The following LRMDA variants were observed in gnomAD, a reference collection of about 807,000 sequenced individuals.
LRMDA encodes leucine-rich melanocyte differentiation-associated protein.
LRMDA carries 18 observed loss-of-function variants against 29.8 expected under a neutral mutation model. The ratio of observed to expected loss-of-function variants is 0.60; its 90% CI spans 0.42 to 0.90. The LOEUF (loss-of-function observed/expected upper bound fraction) is 0.90, where lower values mean the gene tolerates loss of function less well. Among genes scored for constraint, LRMDA ranks in the 40% least tolerant of loss-of-function variants. The probability of loss-of-function intolerance (pLI) is 0.00; values close to 1 mark genes in which losing one functional copy is unlikely to be tolerated. For synonymous variants in LRMDA, 125 were observed against 109.4 expected (o/e 1.14, Z -0.89); for missense variants, 273 against 273.9 (o/e 1.00, Z 0.02).
At chr10:75,869,922 G>T (rs1176557213) in intron 2 of LRMDA, among the ~76,000 whole-genome samples, 1 of 152,088 alleles carries the variant, frequency 6.6e-6, no homozygotes, top group African/African-American at 2.4e-5. Context: ...TACTCTATGT[G>T]CTTTCTCTAC....
intron 5 of LRMDA, among the ~76,000 whole-genome samples, chr10:76,111,102 C>T (rs552979994): frequency 6.6e-6 from 1 of 152,310 alleles, no homozygotes; most frequent in African/African-American, 2.4e-5. Context: ...TTGTCCTTCT[C>T]ATCCTCCAGT....
At chr10:75,719,976 G>A (rs1842546035) in intron 2 of LRMDA, among the ~76,000 whole-genome samples, 2 of 152,208 alleles carry the variant, frequency 1.3e-5, no homozygotes, top group South Asian at 2.1e-4. Context: ...GTGCCTCTGT[G>A]TACCTAAAGT....
In LRMDA at chr10:76,395,369, C is replaced by T. The variant is rs374752510; in HGVS notation, c.601+70884C>T. ...TAGCCCAACAATCTCAGCTGGTTCT[C>T]CTCTGTAGTTTGTTTAGCAGACAAT... On this transcript the variant is annotated intron_variant, in intron 6 of 6. Coordinates refer to ENST00000611255, the MANE Select transcript of LRMDA (RefSeq NM_001305581.2). Among the ~76,000 whole-genome samples, 8 of 152,144 alleles carry T rather than the reference C, an allele frequency of 5.3e-5. No individual in the cohort carries two copies. In the East Asian group the frequency reaches 7.7e-4, roughly 15 times the overall value.
intron 2 of LRMDA, among the ~76,000 whole-genome samples, chr10:75,762,833 C>T (rs1165373121): frequency 2.0e-5 from 3 of 152,090 alleles, no homozygotes; most frequent in Non-Finnish European, 4.4e-5. Context: ...TATGAGACCT[C>T]TCATAATGAG....
chr10:75,590,664 C>T, intron 2 of LRMDA, among the ~76,000 whole-genome samples: 1 of 148,784 alleles, frequency 6.7e-6, no homozygotes, highest in Non-Finnish European at 1.5e-5. Flanking sequence ...TTTAATAATG[C>T]CTTAAATATT....
At chr10:76,065,879 G>A (rs564677921) in intron 5 of LRMDA, among the ~76,000 whole-genome samples, 58 of 152,326 alleles carry the variant, frequency 3.8e-4, no homozygotes, top group African/African-American at 1.3e-3. Flanking sequence ...GCCTTACACA[G>A]CACCATGTGT....
chr10:76,505,439 C>G (rs980303319), intron 6 of LRMDA, among the ~76,000 whole-genome samples: 1 of 151,920 alleles, frequency 6.6e-6, no homozygotes, highest in African/African-American at 2.4e-5. Flanking sequence ...ATATATTTCT[C>G]AGATGTTTTG....
chr10:76,389,878 A>G (rs926617708), intron 6 of LRMDA, among the ~76,000 whole-genome samples: 1 of 152,004 alleles, frequency 6.6e-6, no homozygotes, highest in Non-Finnish European at 1.5e-5. Flanking sequence ...CATCTTGTTG[A>G]TGGTCATTTG....
At chr10:76,019,976 C>CT (rs1158221362) in intron 2 of LRMDA, among the ~76,000 whole-genome samples, 1 of 152,216 alleles carries the variant, frequency 6.6e-6, no homozygotes, top group Non-Finnish European at 1.5e-5. Flanking sequence ...TTTACACAGT[C>CT]TGATGTGGTC....
At chr10:76,073,163 C>T (rs1318987733) in intron 5 of LRMDA, among the ~76,000 whole-genome samples, 1 of 152,174 alleles carries the variant, frequency 6.6e-6, no homozygotes, top group East Asian at 1.9e-4. Flanking sequence ...GACCAAGGAA[C>T]CACTTCATTT....
chr10:76,382,702 C>T (rs1371979399), intron 6 of LRMDA, among the ~76,000 whole-genome samples: 1 of 152,126 alleles, frequency 6.6e-6, no homozygotes, highest in African/African-American at 2.4e-5. Flanking sequence ...CTGGTGGGGC[C>T]TCTGGGGCAT....
chr10:76,103,052 C>T (rs753574766), intron 5 of LRMDA, among the ~76,000 whole-genome samples: 7 of 152,164 alleles, frequency 4.6e-5, no homozygotes, highest in Non-Finnish European at 1.0e-4. Flanking sequence ...AAGGAACCTA[C>T]TATCTCCTTT....
chr10:76,374,691 G>C (rs1284916705), intron 6 of LRMDA, among the ~76,000 whole-genome samples: 1 of 152,138 alleles, frequency 6.6e-6, no homozygotes, highest in Admixed American at 6.5e-5. Flanking sequence ...TATATTTCCT[G>C]ATTCACAGGT....
intron 2 of LRMDA, among the ~76,000 whole-genome samples, chr10:75,590,333 A>T (rs1441828428): frequency 6.6e-6 from 1 of 152,092 alleles, no homozygotes; most frequent in East Asian, 1.9e-4. Flanking sequence ...GCTGATTTTT[A>T]TGCAATTGAA....
At position 76,410,310 on chromosome 10, in the gene LRMDA, T is replaced by C. The variant is rs1841946392; in HGVS notation, c.601+85825T>C. Among the ~76,000 whole-genome samples the C allele has an allele frequency of 1.5e-5, 2 of 130,564 alleles. 1 individual carries two copies. Among genetic ancestry groups the C allele is most frequent in the South Asian group, 5.5e-4 (2 of 3,620 alleles). 85.7% of individuals were successfully genotyped at this position (130,564 alleles called of 152,430 possible). On this transcript the variant is annotated intron_variant, in intron 6 of 6. Coordinates refer to ENST00000611255, the MANE Select transcript of LRMDA (RefSeq NM_001305581.2). ...AATCACTTTCTTTCTTTTTTTTTTTTTTTTTTTTTTTTTTTTGAGATAGGG... is the reference window on the plus strand; with the variant it reads ...AATCACTTTCTTTCTTTTTTTTTTTCTTTTTTTTTTTTTTTTGAGATAGGG...
rs578053614 is a variant in LRMDA at position 76,366,396 on chromosome 10, T to C, written c.601+41911T>C. On this transcript the variant is annotated intron_variant, in intron 6 of 6. Transcript: ENST00000611255. ...GAGCATGGGATGTGTTTCCATTTGT[T>C]TGTGTCTATGTTTAGAAATCTGTGA... is the stretch of plus-strand genomic sequence containing the variant. Among the ~76,000 whole-genome samples the C allele has an allele frequency of 5.8e-4, 88 of 152,320 alleles. 2 individuals carry two copies. The Middle Eastern group carries it at 0.014, about 24-fold the overall frequency.
rs1235588289 is a variant in LRMDA at position 76,507,040 on chromosome 10, C to A, written c.602-50169C>A. ...TTATAAATTTTTTGTACTGGCTGTGCTAATTCTAATTCCCACCGTAAGTAT... is the reference window on the plus strand; with the variant it reads ...TTATAAATTTTTTGTACTGGCTGTGATAATTCTAATTCCCACCGTAAGTAT... On this transcript the variant is annotated intron_variant, in intron 6 of 6. Transcript: ENST00000611255. Among the ~76,000 whole-genome samples, 3 of 152,032 alleles carry A rather than the reference C, an allele frequency of 2.0e-5. No individual in the cohort carries two copies. The East Asian group carries it at 5.8e-4, about 29-fold the overall frequency.
At chr10:76,344,388 C>A (rs1486456512) in intron 6 of LRMDA, among the ~76,000 whole-genome samples, 1 of 152,002 alleles carries the variant, frequency 6.6e-6, no homozygotes, top group African/African-American at 2.4e-5. Context: ...AGGGTGTGCA[C>A]AAGAATTCTT....
intron 6 of LRMDA, among the ~76,000 whole-genome samples, chr10:76,551,452 A>C (rs80334794): frequency 0.017 from 2,537 of 152,298 alleles, 72 homozygotes; most frequent in African/African-American, 0.057. Flanking sequence ...TATTTATTGA[A>C]CATCTCATCT....
Sources: allele counts gnomAD v4.1 joint callset (sites outside exome capture counted in the v4.1 genomes callset), GRCh38; gene constraint gnomAD v4.1.1; transcripts MANE v1.5; gene names NCBI Gene and HGNC (gene_info 2026-07-23, HGNC 2026-07-21).